Variants in MICAL3 observed in about 807,000 individuals in gnomAD.
The protein encoded by MICAL3 is microtubule associated monooxygenase, calponin and LIM domain containing 3, also known as [F-actin]-monooxygenase MICAL3.
A neutral mutation model predicts 207.4 loss-of-function variants in MICAL3; 62 were observed. That is an observed-to-expected ratio of 0.30 (90% CI 0.24 to 0.37). MICAL3 has a LOEUF of 0.37. Among genes scored for constraint, MICAL3 ranks in the 10% least tolerant of loss-of-function variants. The pLI is 1.00. For missense variants in MICAL3, 2,368 were observed against 2,635.6 expected (o/e 0.90, Z 2.22); for synonymous variants, 1,077 against 1,069.3 (o/e 1.01, Z -0.14).
At chr22:17,872,888 A>G (rs1374831380) in intron 16 of MICAL3, 1 of 1,341,382 alleles carries the variant, frequency 7.5e-7, no homozygotes, top group African/African-American at 1.4e-5. Context: ...GACCAGAATG[A>G]AGGGAAATGA....
intron 1 of MICAL3, among the ~76,000 whole-genome samples, chr22:17,965,558 T>A (rs1403567290): frequency 1.3e-5 from 2 of 152,222 alleles, no homozygotes; most frequent in Non-Finnish European, 1.5e-5. Context: ...ACTACTGATA[T>A]ACTGATTGTC....
intron 29 of MICAL3, chr22:17,803,533 C>T (rs1265512548): frequency 1.3e-5 from 2 of 151,984 alleles, no homozygotes; most frequent in African/African-American, 4.8e-5. Flanking sequence ...GACCAGGACG[C>T]AGATGCAAGG....
intron 20 of MICAL3, among the ~76,000 whole-genome samples, chr22:17,835,576 C>T (rs911480111): frequency 6.6e-6 from 1 of 152,208 alleles, no homozygotes; most frequent in Non-Finnish European, 1.5e-5. Flanking sequence ...GCAGTGTGGC[C>T]GACCCTTTGG....
chr22:17,928,125 G>C (rs536966855), intron 1 of MICAL3, among the ~76,000 whole-genome samples: 1 of 152,094 alleles, frequency 6.6e-6, no homozygotes, highest in Non-Finnish European at 1.5e-5. Context: ...TACCTGATGC[G>C]AGGAATAGTA....
At chr22:17,860,072 A>G (rs1024748783) in intron 19 of MICAL3, 4 of 578,114 alleles carry the variant, frequency 6.9e-6, no homozygotes, top group African/African-American at 6.1e-5. Flanking sequence ...AGTGGCCTCA[A>G]GCTCACTCCC....
intron 2 of MICAL3, among the ~76,000 whole-genome samples, chr22:17,906,222 A>G (rs111848019): frequency 2.5e-4 from 38 of 152,376 alleles, no homozygotes; most frequent in African/African-American, 8.9e-4. Context: ...ATGTAAATAC[A>G]TGAAACATGC....
intron 1 of MICAL3, among the ~76,000 whole-genome samples, chr22:17,996,073 T>A (rs376747351): frequency 7.0e-6 from 1 of 143,700 alleles, no homozygotes; most frequent in Non-Finnish European, 1.5e-5. Flanking sequence ...AAGGTTGCAG[T>A]GAACCATGAT....
chr22:17,973,064 A>G (rs453557), intron 1 of MICAL3, among the ~76,000 whole-genome samples: 81,250 of 152,170 alleles, frequency 0.53, 21,850 homozygotes, highest in Middle Eastern at 0.66. Context: ...TTTAAGGAGC[A>G]TCCTGTGACT....
rs1173191138 is a variant in MICAL3 at position 17,896,356 on chromosome 22, G to A, written c.1212C>T (p.Phe404=). Residue 404 remains phenylalanine (F), a synonymous_variant, in exon 9 of 32, where the codon TTC becomes TTT. Transcript: ENST00000441493. The part of the protein sequence containing the change: ...ALVGDSLLEP[F]WPMGTGIARG... ...GGGCTATTCCTGTTCCCATTGGCCA[G>A]AAAGGCTGTAGATAAGACATAAAAC... is the stretch of plus-strand genomic sequence containing the variant. The A allele has an allele frequency of 1.9e-6, 3 of 1,538,564 alleles. No individual in the cohort carries two copies. Among genetic ancestry groups the A allele is most frequent in the African/African-American group, 2.7e-5 (2 of 72,822 alleles).
chr22:17,834,622 C>T lies in MICAL3; in HGVS notation c.2802-2515G>A, dbSNP rs1256447555. The T allele has an allele frequency of 2.5e-5, 27 of 1,084,042 alleles. No homozygotes were observed. In the East Asian group the frequency reaches 4.7e-4, roughly 19 times the overall value. 67.2% of individuals were successfully genotyped at this position (1,084,042 alleles called of 1,614,324 possible). A position where few individuals can be genotyped will look rare whatever the true frequency, so the allele number is the denominator to read the frequency against. The stretch of plus-strand genomic sequence containing the variant: ...TATTCTCAAGGGGAGGAAAGGTGTA[C>T]GCACATCATGCTAAAGCGCAGCAGA... On this transcript the variant is annotated intron_variant, in intron 20 of 31. Transcript: ENST00000441493.
chr22:17,988,502 T>C (rs927595540), intron 1 of MICAL3, among the ~76,000 whole-genome samples: 1 of 152,244 alleles, frequency 6.6e-6, no homozygotes, highest in Non-Finnish European at 1.5e-5. Context: ...TCGCCCAGGC[T>C]GGAGTGCAGT....
At chr22:17,901,740 G>T in intron 5 of MICAL3, 138 bp downstream of exon 5, 1 of 528,738 alleles carries the variant, frequency 1.9e-6, no homozygotes, top group Non-Finnish European at 3.3e-6. Context: ...GGTGGGGCCT[G>T]CCATTCCATC....
Position 17,797,523 on chromosome 22 carries a change from AG to A in MICAL3, c.5651-6223del, listed in dbSNP as rs532590005. 5.3e-5 allele frequency among the ~76,000 whole-genome samples: 8 copies of A among 152,280 alleles called. No homozygotes were observed. The South Asian group carries it at 1.7e-3, about 32-fold the overall frequency. ...AAATAAATAAGTAATAATAGCCCAG[AG>A]GGGCCAAGACAAAGGCCCAACTCTG... is the stretch of plus-strand genomic sequence containing the variant. On this transcript the variant is annotated intron_variant, in intron 29 of 31. Coordinates refer to ENST00000441493, the MANE Select transcript of MICAL3 (RefSeq NM_015241.3).
At chr22:17,914,959 C>T (rs927683729) in intron 1 of MICAL3, among the ~76,000 whole-genome samples, 3 of 152,182 alleles carry the variant, frequency 2.0e-5, no homozygotes, top group African/African-American at 7.2e-5. Context: ...GGACCTCAAC[C>T]TGCCCACTGT....
intron 10 of MICAL3, 117 bp from the exon 11 acceptor site, chr22:17,894,021 G>C (rs1930608724): frequency 1.4e-6 from 1 of 725,958 alleles, no homozygotes. Context: ...GTAAAGTTCA[G>C]ACAGAAGTTA....
chr22:17,808,229 A>G (rs2062008026), intron 29 of MICAL3, among the ~76,000 whole-genome samples: 1 of 152,250 alleles, frequency 6.6e-6, no homozygotes, highest in Admixed American at 6.5e-5. Flanking sequence ...TCACGAGCAC[A>G]GGGCCCTGCC....
At chr22:17,833,538 C>T (rs450960) in intron 20 of MICAL3, among the ~76,000 whole-genome samples, 45,715 of 152,184 alleles carry the variant, frequency 0.3, 7,011 homozygotes, top group African/African-American at 0.35. Flanking sequence ...CCAGGGCGAT[C>T]ACTGCCAGGT....
At chr22:17,987,815 T>C (rs1921207659) in intron 1 of MICAL3, among the ~76,000 whole-genome samples, 1 of 151,914 alleles carries the variant, frequency 6.6e-6, no homozygotes, top group Non-Finnish European at 1.5e-5. Flanking sequence ...AAAAAATGCA[T>C]CTACACACTG....
chr22:17,898,107 T>TAAA (rs11381999), intron 7 of MICAL3, among the ~76,000 whole-genome samples: 1 of 148,272 alleles, frequency 6.7e-6, no homozygotes, highest in African/African-American at 2.5e-5. Context: ...CCTGCCCTCT[T>TAAA]AAAAAAAAAA....
Sources: allele counts gnomAD v4.1 joint callset (sites outside exome capture counted in the v4.1 genomes callset), GRCh38; gene constraint gnomAD v4.1.1; transcripts MANE v1.5; gene names NCBI Gene and HGNC (gene_info 2026-07-23, HGNC 2026-07-21).